SLC39A8: variants seen among roughly 807,000 people sequenced by gnomAD.
SLC39A8 encodes the protein solute carrier family 39 member 8.
Under a neutral mutation model 40.4 loss-of-function variants are expected in SLC39A8, and 15 were observed. The ratio of observed to expected loss-of-function variants is 0.37; its 90% CI spans 0.25 to 0.57. The LOEUF is 0.57. SLC39A8 is among the 20% of genes least tolerant of loss of function. The pLI is 0.75. For synonymous variants in SLC39A8, 223 were observed against 221.6 expected (o/e 1.01, Z -0.06); for missense variants, 472 against 558.8 (o/e 0.84, Z 1.57).
chr4:102,327,227 A>G (rs532075393), intron 2 of SLC39A8, among the ~76,000 whole-genome samples: 8 of 152,168 alleles, frequency 5.3e-5, no homozygotes, highest in African/African-American at 1.9e-4. Context: ...TGCCACTGCA[A>G]TCCAGCCTGG....
chr4:102,274,337 G>A (rs1732514908), intron 6 of SLC39A8, among the ~76,000 whole-genome samples: 1 of 152,152 alleles, frequency 6.6e-6, no homozygotes, highest in South Asian at 2.1e-4. Flanking sequence ...CTATGAAGCA[G>A]AAGAAAGTAT....
chr4:102,338,256 G>A (rs1403683930), intron 2 of SLC39A8, among the ~76,000 whole-genome samples: 2 of 148,444 alleles, frequency 1.3e-5, no homozygotes, highest in Non-Finnish European at 3.0e-5. Context: ...GCGCCATCTC[G>A]GCTCACTGCA....
At chr4:102,307,686 A>G in intron 3 of SLC39A8, 81 bp from the exon 4 acceptor site, 1 of 1,405,566 alleles carries the variant, frequency 7.1e-7, no homozygotes, top group Non-Finnish European at 9.8e-7. Context: ...TAAGCTTAAA[A>G]GTGTCTTTAA....
At position 102,261,830 on chromosome 4, in the gene SLC39A8, G is replaced by A. The variant is rs1384351022; in HGVS notation, c.*1214C>T. On this transcript the variant is annotated 3_prime_UTR_variant, in exon 9 of 9. Transcript: ENST00000356736. ...GGAAAATGTAATTCCTGAGATCATT[G>A]TTGGGCTTTGTCAATCATTTTCCTC... 1.0e-6 allele frequency: 1 copy of A among 985,776 alleles called. No homozygotes were observed. The highest frequency in any genetic ancestry group is 1.2e-6 in the Non-Finnish European group (1 of 829,906). The allele number at this position is 985,776 out of a possible 1,614,324, so 61.1% of individuals were successfully genotyped here. A position where few individuals can be genotyped will look rare whatever the true frequency, so the allele number is the denominator to read the frequency against.
At chr4:102,332,847 T>C (rs1735521482) in intron 2 of SLC39A8, among the ~76,000 whole-genome samples, 2 of 152,144 alleles carry the variant, frequency 1.3e-5, no homozygotes, top group Non-Finnish European at 2.9e-5. Flanking sequence ...AAAAAAAGGA[T>C]GAGTTCATGT....
rs17032490 is a variant in SLC39A8 at position 102,295,265 on chromosome 4, A to G, written c.840+9052T>C. ...GATTATCTCCAGAACTCAAAACTTC[A>G]TAACATTGGAATTGTGTTTGCATGG... On this transcript the variant is annotated intron_variant, in intron 6 of 8. Transcript: ENST00000356736. 6.6e-3 allele frequency among the ~76,000 whole-genome samples: 992 copies of G among 151,392 alleles called. 17 individuals carry two copies. The highest frequency in any genetic ancestry group is 0.023 in the African/African-American group (944 of 41,416).
At chr4:102,287,561 AC>A (rs1160500087) in intron 6 of SLC39A8, among the ~76,000 whole-genome samples, 2 of 152,002 alleles carry the variant, frequency 1.3e-5, no homozygotes, top group Non-Finnish European at 2.9e-5. Flanking sequence ...ATCACGTCCC[AC>A]CCCAAAACAC....
In SLC39A8 at chr4:102,303,890, A is replaced by T. The variant is rs1240515810; in HGVS notation, c.840+427T>A. Among the ~76,000 whole-genome samples the T allele has an allele frequency of 5.3e-5, 8 of 151,898 alleles. 1 individual carries two copies. The highest frequency in any genetic ancestry group is 1.9e-4 in the African/African-American group (8 of 41,428). On this transcript the variant is annotated intron_variant, in intron 6 of 8. Transcript: ENST00000356736. ...TTTAGAAGATGTGGATATAAATATA[A>T]ATTATAAGTCAGACAATTAATAAAA...
intron 3 of SLC39A8, among the ~76,000 whole-genome samples, chr4:102,311,275 C>T (rs1482147605): frequency 1.3e-5 from 2 of 152,024 alleles, no homozygotes; most frequent in Non-Finnish European, 2.9e-5. Context: ...TAAAATAAAA[C>T]CAGTTAATGC....
chr4:102,324,624 T>C (rs1735118099), intron 2 of SLC39A8, among the ~76,000 whole-genome samples: 1 of 152,174 alleles, frequency 6.6e-6, no homozygotes, highest in Admixed American at 6.5e-5. Context: ...CAACACATAT[T>C]TACCGAGCAC....
At chr4:102,312,970 G>A (rs540420730) in intron 3 of SLC39A8, among the ~76,000 whole-genome samples, 2 of 152,222 alleles carry the variant, frequency 1.3e-5, no homozygotes, top group East Asian at 3.9e-4. Context: ...ACTTTTTAAT[G>A]TAAAGTGCAA....
chr4:102,325,013 C>A (rs1735133787), intron 2 of SLC39A8, among the ~76,000 whole-genome samples: 2 of 152,060 alleles, frequency 1.3e-5, no homozygotes, highest in Admixed American at 6.6e-5. Flanking sequence ...AATAATGAAA[C>A]TGCCTCAATT....
intron 2 of SLC39A8, among the ~76,000 whole-genome samples, chr4:102,330,091 T>C (rs539492445): frequency 2.6e-5 from 4 of 152,150 alleles, no homozygotes; most frequent in East Asian, 1.9e-4. Context: ...ATCAACACCA[T>C]AACATCACAA....
At chr4:102,320,179 A>ATATATATATG (rs1734851371) in intron 2 of SLC39A8, among the ~76,000 whole-genome samples, 6 of 99,804 alleles carry the variant, frequency 6.0e-5, no homozygotes, top group Admixed American at 1.1e-4. Flanking sequence ...ATATATATAT[A>ATATATATATG]TATATATATA....
intron 2 of SLC39A8, among the ~76,000 whole-genome samples, chr4:102,321,359 T>C (rs1245495487): frequency 6.6e-6 from 1 of 152,184 alleles, no homozygotes; most frequent in Non-Finnish European, 1.5e-5. Context: ...GGAGAATCTC[T>C]ACCTGCCTGA....
At chr4:102,313,037 G>A (rs1734511968) in intron 3 of SLC39A8, among the ~76,000 whole-genome samples, 1 of 152,122 alleles carries the variant, frequency 6.6e-6, no homozygotes, top group Non-Finnish European at 1.5e-5. Flanking sequence ...ATATTTGCTT[G>A]AACAATTAGC....
chr4:102,264,009 G>A (rs1731978799), intron 8 of SLC39A8, among the ~76,000 whole-genome samples: 1 of 152,164 alleles, frequency 6.6e-6, no homozygotes, highest in Non-Finnish European at 1.5e-5. Flanking sequence ...AGTCATCCAT[G>A]AGGGTTGAAA....
chr4:102,263,307 TA>T, intron 8 of SLC39A8, 114 bp from the exon 9 acceptor site: 1 of 816,368 alleles, frequency 1.2e-6, no homozygotes, highest in Non-Finnish European at 2.0e-6. Context: ...ACCAGTGTGA[TA>T]AAGCAAACAT....
At chr4:102,297,811 G>T (rs1733746215) in intron 6 of SLC39A8, among the ~76,000 whole-genome samples, 1 of 152,024 alleles carries the variant, frequency 6.6e-6, no homozygotes, top group Non-Finnish European at 1.5e-5. Context: ...TCAGCTACTT[G>T]GGAGGCTGAG....
Sources: allele counts gnomAD v4.1 joint callset (sites outside exome capture counted in the v4.1 genomes callset), GRCh38; gene constraint gnomAD v4.1.1; transcripts MANE v1.5; gene names NCBI Gene and HGNC (gene_info 2026-07-23, HGNC 2026-07-21).